The following PRICKLE2 variants were observed in gnomAD, a reference collection of about 807,000 sequenced individuals.
The protein encoded by PRICKLE2 is prickle-like protein 2.
PRICKLE2 carries 21 observed loss-of-function variants against 81.4 expected under a neutral mutation model. The observed-to-expected ratio is 0.26, with a 90% CI of 0.18 to 0.37. The LOEUF (loss-of-function observed/expected upper bound fraction) is 0.37, where lower values mean the gene tolerates loss of function less well. PRICKLE2 is among the 10% of genes least tolerant of loss of function. PRICKLE2 has a pLI of 1.00. For missense variants in PRICKLE2, 940 were observed against 1,109.0 expected (o/e 0.85, Z 2.16); for synonymous variants, 456 against 421.5 (o/e 1.08, Z -1.00).
intron 7 of PRICKLE2, among the ~76,000 whole-genome samples, chr3:64,107,158 A>C (rs2076768652): frequency 6.6e-6 from 1 of 152,020 alleles, no homozygotes; most frequent in Non-Finnish European, 1.5e-5. Context: ...GTGCTTCTAC[A>C]AAGAGAGGTC....
chr3:64,222,393 T>C (rs1033631230), intron 1 of PRICKLE2, among the ~76,000 whole-genome samples: 42 of 152,244 alleles, frequency 2.8e-4, no homozygotes, highest in African/African-American at 9.6e-4. Context: ...CTCACTCTTG[T>C]AATTCACTTT....
chr3:64,266,016 G>A (rs2079701346), intron 2 of PRICKLE2, among the ~76,000 whole-genome samples: 1 of 152,150 alleles, frequency 6.6e-6, no homozygotes, highest in Admixed American at 6.5e-5. Flanking sequence ...GCTTGTTGAT[G>A]CAGAGGCTTG....
rs190858050 is a variant in PRICKLE2, at chr3:64,114,757, C to G, written c.1661-14832G>C. Reference sequence around the variant, plus strand: ...ACCAAATCTATGACTGATTGGTGTCCTTGAAAGAGATGGGGAGAATGGAAC... The same window carrying G: ...ACCAAATCTATGACTGATTGGTGTCGTTGAAAGAGATGGGGAGAATGGAAC... On this transcript the variant is annotated intron_variant, in intron 7 of 7. Coordinates refer to ENST00000638394, the MANE Select transcript of PRICKLE2 (RefSeq NM_198859.4). 2.6e-3 allele frequency among the ~76,000 whole-genome samples: 395 copies of G among 152,102 alleles called. 1 individual carries two copies. The highest frequency in any genetic ancestry group is 9.1e-3 in the African/African-American group (376 of 41,528).
intron 2 of PRICKLE2, among the ~76,000 whole-genome samples, chr3:64,250,038 A>G (rs1040196872): frequency 1.3e-5 from 2 of 152,210 alleles, no homozygotes. Context: ...CAAATGCCAC[A>G]TTCACATTCA....
At chr3:64,223,950 A>G (rs1392890947) in intron 1 of PRICKLE2, among the ~76,000 whole-genome samples, 2 of 152,212 alleles carry the variant, frequency 1.3e-5, no homozygotes, top group Admixed American at 1.3e-4. Flanking sequence ...TCACAGCCTT[A>G]CCAGCTGCAG....
intron 2 of PRICKLE2, among the ~76,000 whole-genome samples, chr3:64,253,362 AG>A (rs2079477447): frequency 6.6e-6 from 1 of 152,178 alleles, no homozygotes; most frequent in African/African-American, 2.4e-5. Flanking sequence ...CTTGTTCAAA[AG>A]TACTAAATTA....
intron 7 of PRICKLE2, among the ~76,000 whole-genome samples, chr3:64,108,260 C>T (rs779059379): frequency 7.2e-5 from 11 of 152,280 alleles, no homozygotes; most frequent in East Asian, 1.9e-4. Flanking sequence ...AAGTCATGGG[C>T]GCTACACAGT....
intron 2 of PRICKLE2, among the ~76,000 whole-genome samples, chr3:64,173,449 T>C (rs2077968059): frequency 6.6e-6 from 1 of 152,154 alleles, no homozygotes; most frequent in African/African-American, 2.4e-5. Context: ...ATTTCAAGTA[T>C]TTATCATCTT....
At chr3:64,255,766 C>T (rs2107184451) in intron 2 of PRICKLE2, among the ~76,000 whole-genome samples, 1 of 152,332 alleles carries the variant, frequency 6.6e-6, no homozygotes, top group East Asian at 1.9e-4. Flanking sequence ...CATTTCTCAG[C>T]CTCTTTTGCA....
At chr3:64,243,316 T>C (rs1294127165) in intron 2 of PRICKLE2, among the ~76,000 whole-genome samples, 1 of 152,236 alleles carries the variant, frequency 6.6e-6, no homozygotes, top group Non-Finnish European at 1.5e-5. Context: ...ATGTATTGCA[T>C]GGTGTTCAGC....
chr3:64,250,271 T>G (rs2079426587), intron 2 of PRICKLE2, among the ~76,000 whole-genome samples: 1 of 152,226 alleles, frequency 6.6e-6, no homozygotes, highest in Non-Finnish European at 1.5e-5. Flanking sequence ...GGGGCTGTCT[T>G]GTGTACTGTA....
intron 7 of PRICKLE2, chr3:64,142,021 A>C: frequency 1.0e-5 from 9 of 865,454 alleles, no homozygotes; most frequent in Non-Finnish European, 1.2e-5. Flanking sequence ...TTTCTAGCAA[A>C]ATTCAAATGT....
At chr3:64,143,656 A>T (rs80135588) in intron 7 of PRICKLE2, among the ~76,000 whole-genome samples, 14,924 of 152,246 alleles carry the variant, frequency 0.098, 933 homozygotes, top group Non-Finnish European at 0.13. Flanking sequence ...GATCTGCTTA[A>T]CATGCAGATT....
At chr3:64,175,215 G>C (rs1295396283) in intron 2 of PRICKLE2, 1 of 159,110 alleles carries the variant, frequency 6.3e-6, no homozygotes, top group Non-Finnish European at 1.4e-5. Flanking sequence ...CCTGCTTTTA[G>C]CATTTCAAAG....
intron 7 of PRICKLE2, among the ~76,000 whole-genome samples, chr3:64,145,150 A>T (rs2077425981): frequency 7.0e-6 from 1 of 141,896 alleles, no homozygotes; most frequent in African/African-American, 2.6e-5. Context: ...CCCAGGCTGG[A>T]GTGCAGAGGT....
At chr3:64,223,955 C>CTGCA (rs2078994744) in intron 1 of PRICKLE2, among the ~76,000 whole-genome samples, 1 of 152,202 alleles carries the variant, frequency 6.6e-6, no homozygotes, top group African/African-American at 2.4e-5. Context: ...GCCTTACCAG[C>CTGCA]TGCAGATTCA....
At chr3:64,149,702 A>C (rs1327466431) in intron 6 of PRICKLE2, among the ~76,000 whole-genome samples, 5 of 152,200 alleles carry the variant, frequency 3.3e-5, no homozygotes, top group Non-Finnish European at 2.9e-5. Context: ...GGAGAAGAAG[A>C]GAATTGCAAG....
chr3:64,222,854 C>T (rs891477000), intron 1 of PRICKLE2, among the ~76,000 whole-genome samples: 7 of 152,244 alleles, frequency 4.6e-5, no homozygotes, highest in Non-Finnish European at 5.9e-5. Flanking sequence ...TTGATTCCAA[C>T]TGGGACCCCG....
rs1437937882 is a variant in PRICKLE2, at chr3:64,147,491, C to A, written c.999G>T (p.Glu333Asp). Residue 333 changes from glutamate to aspartate, a missense_variant, in exon 7 of 8, where the codon GAG (glutamate) becomes GAT (aspartate). Physicochemically the swap from Glu to Asp is conservative, Grantham distance 45. Around this residue, in one of 2 missense-constraint regions of PRICKLE2, gnomAD observed 670 missense variants for 717.2 expected, o/e 0.93. Transcript: ENST00000638394. This position sits in a 1 kb window ranked among gnomAD's most constrained non-coding sequence, Gnocchi z 5.0. ...DSAFQNARAK[E>D]SRRSAKIGKN... ...TGCCAATTTTGGCACTGCGCCGGGA[C>A]TCCTTGGCCCTGGCGTTCTGGAAGG... 3.7e-6 allele frequency: 6 copies of A among 1,614,146 alleles called. No homozygotes were observed. Among genetic ancestry groups the A allele is most frequent in the East Asian group, 4.5e-5 (2 of 44,890 alleles).
Sources: gnomAD v4.1 joint callset for allele counts (sites outside exome capture counted in the v4.1 genomes callset) on GRCh38, gnomAD v4.1.1 for gene constraint, gnomAD v4.1.1 regional missense constraint, Gnocchi (gnomAD v3.1) non-coding constraint, MANE v1.5 for transcripts, NCBI Gene and HGNC (gene_info 2026-07-23, HGNC 2026-07-21) for gene names.